CEP128: variants seen among roughly 807,000 people sequenced by gnomAD.
The protein encoded by CEP128 is centrosomal protein 128.
A neutral mutation model predicts 156.7 loss-of-function variants in CEP128; 132 were observed. That is an observed-to-expected ratio of 0.84 (90% CI 0.73 to 0.97). CEP128 has a LOEUF of 0.97. Among genes scored for constraint, CEP128 ranks in the 50% least tolerant of loss-of-function variants. The probability of loss-of-function intolerance (pLI) is 0.00; values close to 1 mark genes in which losing one functional copy is unlikely to be tolerated. For synonymous variants in CEP128, 469 were observed against 448.9 expected (o/e 1.04, Z -0.57); for missense variants, 1,252 against 1,281.9 (o/e 0.98, Z 0.36).
chr14:80,947,471 G>A (rs980413686), intron 2 of CEP128, among the ~76,000 whole-genome samples: 1 of 148,414 alleles, frequency 6.7e-6, no homozygotes, highest in African/African-American at 2.5e-5. Flanking sequence ...GTAGGACCCT[G>A]TGAAAAATGA....
chr14:80,916,421 T>C lies in CEP128; in HGVS notation c.127A>G (p.Thr43Ala). The change falls in exon 3 of 25, where the codon ACT (threonine) becomes GCT (alanine). Residue 43 changes from threonine to alanine, a missense_variant. By Grantham distance (58) the Thr-to-Ala change is moderately conservative. Transcript: ENST00000555265. ...CTAACCTGTAAAGTACTTGTTATAG[T>C]GTTGACCTTCTCGGTAACTTCTACT... ...PTVEVTEKVN[T>A]ITSTLQDTSR... The C allele has an allele frequency of 1.2e-6, 2 of 1,613,960 alleles. No individual in the cohort carries two copies. Among genetic ancestry groups the C allele is most frequent in the African/African-American group, 1.3e-5 (1 of 75,036 alleles).
chr14:80,570,915 T>C (rs1891114141), intron 20 of CEP128, among the ~76,000 whole-genome samples: 3 of 152,180 alleles, frequency 2.0e-5, no homozygotes, highest in Non-Finnish European at 2.9e-5. Context: ...CAATAAAATT[T>C]AATGCCCAAA....
intron 19 of CEP128, among the ~76,000 whole-genome samples, chr14:80,605,417 C>A (rs1414680169): frequency 6.6e-6 from 1 of 152,034 alleles, no homozygotes; most frequent in Non-Finnish European, 1.5e-5. Flanking sequence ...GTGACAAATT[C>A]ATTCTCGTTC....
intron 19 of CEP128, among the ~76,000 whole-genome samples, chr14:80,725,200 G>A (rs77341437): frequency 2.7e-5 from 3 of 109,628 alleles, no homozygotes; most frequent in Non-Finnish European, 5.5e-5. Context: ...TTTTTTTTTT[G>A]ATACAGAGTT....
chr14:80,950,267 C>A (rs536298513), intron 2 of CEP128, among the ~76,000 whole-genome samples: 2 of 152,168 alleles, frequency 1.3e-5, no homozygotes, highest in South Asian at 2.1e-4. Context: ...CCACCAACAC[C>A]TTAACTTTAG....
intron 19 of CEP128, among the ~76,000 whole-genome samples, chr14:80,716,633 T>G (rs945388351): frequency 9.8e-5 from 15 of 152,358 alleles, no homozygotes; most frequent in African/African-American, 3.6e-4. Flanking sequence ...CATATTTTAT[T>G]TATCCATTCG....
intron 8 of CEP128, among the ~76,000 whole-genome samples, chr14:80,874,596 T>A (rs995852876): frequency 6.6e-6 from 1 of 152,152 alleles, no homozygotes; most frequent in African/African-American, 2.4e-5. Context: ...ACTAGAAAGC[T>A]AGAAAGAATA....
chr14:80,500,144 C>T (rs185775644), intron 24 of CEP128, among the ~76,000 whole-genome samples: 55 of 152,330 alleles, frequency 3.6e-4, no homozygotes, highest in East Asian at 9.6e-4. Context: ...TTAAAACAAA[C>T]TTTCATTAAT....
In CEP128 at chr14:80,619,942, T is replaced by A. The variant is rs575126330; in HGVS notation, c.2807-39519A>T. Among the ~76,000 whole-genome samples, 95 of 151,732 alleles carry A rather than the reference T, an allele frequency of 6.3e-4. 2 individuals are homozygous for A. In the South Asian group the frequency reaches 0.016, roughly 25 times the overall value. On this transcript the variant is annotated intron_variant, in intron 19 of 24. Coordinates refer to ENST00000555265, the MANE Select transcript of CEP128 (RefSeq NM_152446.5). Reference sequence around the variant, plus strand: ...GAGTTCAAGACCAGCCTAGCCAACGTGGTGAAACCCCATCTCTGCTAAAAA... The same window carrying A: ...GAGTTCAAGACCAGCCTAGCCAACGAGGTGAAACCCCATCTCTGCTAAAAA...
In CEP128 at chr14:80,840,606, A is replaced by G. The variant is rs370550420; in HGVS notation, c.849+76T>C. On this transcript the variant is annotated intron_variant, in intron 10 of 24. Coordinates refer to ENST00000555265, the MANE Select transcript of CEP128 (RefSeq NM_152446.5). ...CAATGTTCTAAAGGATCCTGGGGAC[A>G]CTTTTCAAGGCACTCAACAAATACC... 20 of 880,814 alleles carry G rather than the reference A, an allele frequency of 2.3e-5. No individual in the cohort carries two copies. The African/African-American group carries it at 2.7e-4, about 12-fold the overall frequency. The allele number at this position is 880,814 out of a possible 1,614,324, so 54.6% of individuals were successfully genotyped here. A position where few individuals can be genotyped will look rare whatever the true frequency, so the allele number is the denominator to read the frequency against.
intron 13 of CEP128, among the ~76,000 whole-genome samples, chr14:80,811,787 C>CTGTG (rs140168558): frequency 4.7e-4 from 57 of 120,834 alleles, no homozygotes; most frequent in Admixed American, 1.3e-3. Flanking sequence ...TCTTCTGCGT[C>CTGTG]TGTGTGTGTG....
At chr14:80,912,783 T>C (rs370297592) in intron 4 of CEP128, among the ~76,000 whole-genome samples, 1 of 138,512 alleles carries the variant, frequency 7.2e-6, no homozygotes, top group Non-Finnish European at 1.6e-5. Flanking sequence ...ATAATAATAA[T>C]AACAAGCCGT....
intron 2 of CEP128, among the ~76,000 whole-genome samples, chr14:80,950,500 C>T (rs901957650): frequency 5.3e-5 from 8 of 152,118 alleles, no homozygotes; most frequent in East Asian, 3.9e-4. Context: ...ATAAAAAAGA[C>T]GTTGGATGGG....
At chr14:80,938,979 G>A (rs1374580888) in intron 2 of CEP128, among the ~76,000 whole-genome samples, 1 of 152,108 alleles carries the variant, frequency 6.6e-6, no homozygotes, top group African/African-American at 2.4e-5. Flanking sequence ...CAGAAGACCT[G>A]GGAACAATGA....
In CEP128 at chr14:80,554,957, A is replaced by G. The variant is rs772865194; in HGVS notation, c.2880+4322T>C. On this transcript the variant is annotated intron_variant, in intron 21 of 24. Transcript: ENST00000555265. ...CCACCAGAAAAAAATCCTTCCCAAC[A>G]GAATGTTTCAGTAACTAGTACTGAC... is the stretch of plus-strand genomic sequence containing the variant. 4.6e-5 allele frequency among the ~76,000 whole-genome samples: 7 copies of G among 152,232 alleles called. No individual in the cohort carries two copies. The East Asian group carries it at 1.2e-3, about 25-fold the overall frequency.
chr14:80,831,094 G>A (rs752298451), intron 13 of CEP128, 49 bp downstream of exon 13: 7 of 1,513,398 alleles, frequency 4.6e-6, no homozygotes, highest in East Asian at 4.5e-5. Flanking sequence ...GCAATTCCAT[G>A]AGATAAAATT....
intron 8 of CEP128, among the ~76,000 whole-genome samples, chr14:80,867,920 T>C (rs1887845263): frequency 6.6e-6 from 1 of 151,962 alleles, no homozygotes; most frequent in South Asian, 2.1e-4. Context: ...ATAATCAAAT[T>C]CTCAAAAGGC....
intron 1 of CEP128, among the ~76,000 whole-genome samples, chr14:80,940,763 A>C (rs1045139481): frequency 2.0e-5 from 3 of 152,180 alleles, no homozygotes; most frequent in Non-Finnish European, 4.4e-5. Context: ...ACTATTATTT[A>C]ATTTCACCAG....
At chr14:80,571,613 T>A (rs1445340700) in intron 20 of CEP128, among the ~76,000 whole-genome samples, 2 of 152,224 alleles carry the variant, frequency 1.3e-5, no homozygotes, top group African/African-American at 4.8e-5. Context: ...TGCTTATTAG[T>A]CATTTTTGCA....
Sources: gnomAD v4.1 joint callset for allele counts (sites outside exome capture counted in the v4.1 genomes callset) on GRCh38, gnomAD v4.1.1 for gene constraint, MANE v1.5 for transcripts, NCBI Gene and HGNC (gene_info 2026-07-23, HGNC 2026-07-21) for gene names.